The following HS6ST3 variants were observed in gnomAD, a reference collection of about 807,000 sequenced individuals.
The protein encoded by HS6ST3 is heparan sulfate 6-O-sulfotransferase 3.
A neutral mutation model predicts 36.7 loss-of-function variants in HS6ST3; 12 were observed. The ratio of observed to expected loss-of-function variants is 0.33; its 90% CI spans 0.21 to 0.53. The LOEUF (loss-of-function observed/expected upper bound fraction) is 0.53, where lower values mean the gene tolerates loss of function less well. Among genes scored for constraint, HS6ST3 ranks in the 20% least tolerant of loss-of-function variants. The pLI is 0.95. For synonymous variants in HS6ST3, 240 were observed against 257.5 expected, an observed-to-expected ratio of 0.93 and a Z score of 0.65; for missense variants, 584 against 640.9, an observed-to-expected ratio of 0.91 and a Z score of 0.96.
intron 1 of HS6ST3, among the ~76,000 whole-genome samples, chr13:96,804,192 T>C (rs895573889): frequency 1.3e-5 from 2 of 151,230 alleles, no homozygotes; most frequent in African/African-American, 2.4e-5. Context: ...TACCAAATCC[T>C]GGAAGGCCAG....
chr13:96,339,107 A>T (rs982265712), intron 1 of HS6ST3, among the ~76,000 whole-genome samples: 1 of 152,200 alleles, frequency 6.6e-6, no homozygotes, highest in African/African-American at 2.4e-5. Flanking sequence ...CAGCTCCTCC[A>T]TGAAGCCTTT....
chr13:96,145,778 T>A (rs1323894701), intron 1 of HS6ST3, among the ~76,000 whole-genome samples: 1 of 152,236 alleles, frequency 6.6e-6, no homozygotes, highest in Non-Finnish European at 1.5e-5. Flanking sequence ...AGGGTTTTTA[T>A]GGTTTTAGGT....
chr13:96,739,174 A>G (rs1279432219), intron 1 of HS6ST3, among the ~76,000 whole-genome samples: 1 of 149,160 alleles, frequency 6.7e-6, no homozygotes, highest in Non-Finnish European at 1.5e-5. Flanking sequence ...AGAGAATCCC[A>G]GGGCTCCATT....
chr13:96,154,632 A>G (rs777936835), intron 1 of HS6ST3, among the ~76,000 whole-genome samples: 10 of 152,176 alleles, frequency 6.6e-5, no homozygotes, highest in Non-Finnish European at 1.3e-4. Context: ...ATGAACAGAT[A>G]AAGATAATGA....
At chr13:96,563,434 C>T (rs574692644) in intron 1 of HS6ST3, among the ~76,000 whole-genome samples, 2 of 152,260 alleles carry the variant, frequency 1.3e-5, no homozygotes, top group Admixed American at 1.3e-4. Context: ...ATTTTTTGGT[C>T]TCTGCTCCTT....
At chr13:96,823,036 C>G (rs967269850) in intron 1 of HS6ST3, among the ~76,000 whole-genome samples, 4 of 152,220 alleles carry the variant, frequency 2.6e-5, no homozygotes, top group African/African-American at 9.7e-5. Flanking sequence ...CAAGGTTTCA[C>G]TCAGAGCACC....
At chr13:96,366,872 A>T (rs1196323657) in intron 1 of HS6ST3, among the ~76,000 whole-genome samples, 3 of 152,190 alleles carry the variant, frequency 2.0e-5, no homozygotes, top group Non-Finnish European at 4.4e-5. Context: ...ATGGTAGTGA[A>T]TAAGTCTCGC....
chr13:96,180,914 T>C (rs897996074), intron 1 of HS6ST3, among the ~76,000 whole-genome samples: 3 of 152,210 alleles, frequency 2.0e-5, no homozygotes, highest in African/African-American at 7.2e-5. Flanking sequence ...TGTGGATAAC[T>C]TATAAAGAGG....
At chr13:96,415,280 C>T (rs1288526216) in intron 1 of HS6ST3, among the ~76,000 whole-genome samples, 16 of 152,090 alleles carry the variant, frequency 1.1e-4, no homozygotes, top group Non-Finnish European at 1.5e-5. Context: ...GAGGTAGAGT[C>T]ATCTTACTCC....
intron 1 of HS6ST3, among the ~76,000 whole-genome samples, chr13:96,659,209 A>G (rs986838282): frequency 1.3e-5 from 2 of 152,192 alleles, no homozygotes; most frequent in African/African-American, 4.8e-5. Context: ...GGATTTAGCT[A>G]TTCTATAGAG....
At chr13:96,676,507 A>G (rs193047078) in intron 1 of HS6ST3, among the ~76,000 whole-genome samples, 113 of 152,262 alleles carry the variant, frequency 7.4e-4, no homozygotes, top group African/African-American at 2.6e-3. Flanking sequence ...ACTGAATTAA[A>G]TGAAATTGAA....
In HS6ST3 at chr13:96,448,684, T is replaced by C. The variant is rs556870846; in HGVS notation, c.707+357115T>C. Among the ~76,000 whole-genome samples, 46 of 152,236 alleles carry C rather than the reference T, an allele frequency of 3.0e-4. No homozygotes were observed. In the South Asian group the frequency reaches 5.8e-3, roughly 19 times the overall value. ...TTCTCTTCCTCCTCATCCGCTTGAC[T>C]GTCTAGGCTGAACTCCAGAGGGCCT... is the stretch of plus-strand genomic sequence containing the variant. On this transcript the variant is annotated intron_variant, in intron 1 of 1. Coordinates refer to ENST00000376705, the MANE Select transcript of HS6ST3 (RefSeq NM_153456.4).
chr13:96,722,252 G>A (rs893034255), intron 1 of HS6ST3, among the ~76,000 whole-genome samples: 2 of 151,872 alleles, frequency 1.3e-5, no homozygotes, highest in Non-Finnish European at 2.9e-5. Flanking sequence ...GAAACAGAGC[G>A]AGATTCCGTC....
At chr13:96,113,816 T>C (rs113474489) in intron 1 of HS6ST3, among the ~76,000 whole-genome samples, 2 of 152,124 alleles carry the variant, frequency 1.3e-5, no homozygotes, top group African/African-American at 2.4e-5. Flanking sequence ...AGAAAGTATA[T>C]GCACTAATAT....
chr13:96,546,613 G>A (rs2056198680), intron 1 of HS6ST3, among the ~76,000 whole-genome samples: 1 of 152,068 alleles, frequency 6.6e-6, no homozygotes, highest in African/African-American at 2.4e-5. Context: ...ATTCACTCCT[G>A]TTTTTATGGG....
chr13:96,734,488 A>C (rs1177344390), intron 1 of HS6ST3, among the ~76,000 whole-genome samples: 1 of 152,238 alleles, frequency 6.6e-6, no homozygotes, highest in African/African-American at 2.4e-5. Context: ...TATTTGTTAG[A>C]GAGGAGGGAA....
chr13:96,174,985 A>G (rs376698689), intron 1 of HS6ST3, among the ~76,000 whole-genome samples: 6 of 152,288 alleles, frequency 3.9e-5, no homozygotes, highest in South Asian at 2.1e-4. Context: ...ATACCATTAA[A>G]TCTTCCAGTT....
intron 1 of HS6ST3, among the ~76,000 whole-genome samples, chr13:96,800,566 T>A (rs1428560836): frequency 1.3e-5 from 2 of 152,048 alleles, no homozygotes; most frequent in Non-Finnish European, 2.9e-5. Flanking sequence ...TATATAAGAC[T>A]TTTCCATTTC....
At chr13:96,102,376 G>T (rs2053822305) in intron 1 of HS6ST3, among the ~76,000 whole-genome samples, 2 of 152,126 alleles carry the variant, frequency 1.3e-5, no homozygotes, top group Non-Finnish European at 1.5e-5. Flanking sequence ...CAGCTATTTG[G>T]GAGGCTGAGG....
Sources: allele counts gnomAD v4.1 joint callset (sites outside exome capture counted in the v4.1 genomes callset), GRCh38; gene constraint gnomAD v4.1.1; transcripts MANE v1.5; gene names NCBI Gene and HGNC (gene_info 2026-07-23, HGNC 2026-07-21).